SPATA6L: variants seen among roughly 807,000 people sequenced by gnomAD.
The protein encoded by SPATA6L is spermatogenesis associated 6 like, also known as spermatogenesis associated 6-like protein.
SPATA6L carries 68 observed loss-of-function variants against 49.2 expected under a neutral mutation model. That is an observed-to-expected ratio of 1.38 (90% CI 1.14 to 1.69). The LOEUF (loss-of-function observed/expected upper bound fraction) is 1.69, where lower values mean the gene tolerates loss of function less well. Among genes scored for constraint, SPATA6L ranks in the 40% most tolerant of loss-of-function variants. The pLI, the probability that SPATA6L is intolerant of heterozygous loss-of-function variation, is 0.00. For synonymous variants in SPATA6L, 198 were observed against 165.7 expected (o/e 1.19, Z -1.50); for missense variants, 668 against 464.3 (o/e 1.44, Z -4.03).
intron 9 of SPATA6L, among the ~76,000 whole-genome samples, chr9:4,616,897 T>A (rs1227781184): frequency 6.6e-6 from 1 of 152,218 alleles, no homozygotes; most frequent in Non-Finnish European, 1.5e-5. Flanking sequence ...AGCCAGTTTT[T>A]TAAAAATCTA....
At chr9:4,650,893 G>A (rs546340816) in intron 3 of SPATA6L, among the ~76,000 whole-genome samples, 3 of 149,444 alleles carry the variant, frequency 2.0e-5, no homozygotes, top group Admixed American at 6.7e-5. Context: ...ATAGAGACAC[G>A]GTTTCACCAT....
rs55730711 is a variant in SPATA6L, at chr9:4,634,720, A to T, written c.351+555T>A. 7.3e-3 allele frequency among the ~76,000 whole-genome samples: 1,110 copies of T among 152,314 alleles called. 7 individuals are homozygous for T. The highest frequency in any genetic ancestry group is 0.012 in the Non-Finnish European group (842 of 68,032). ...TGTGGGAATAGAAATCGTCAAAGAC[A>T]ACATCAAAATGAGTATCCTGAATTT... On this transcript the variant is annotated intron_variant, in intron 4 of 11. Coordinates refer to ENST00000682582, the MANE Select transcript of SPATA6L (RefSeq NM_001353486.2).
rs761983419 is a variant in SPATA6L, at chr9:4,605,350, G to C, written c.1086C>G (p.Asn362Lys). 19 of 1,612,528 alleles carry C rather than the reference G, an allele frequency of 1.2e-5. No individual in the cohort carries two copies. In the Admixed American group the frequency reaches 2.7e-4, roughly 23 times the overall value. ...TAGTTTTATAAGAAAGTCTAACCTTGTTTTGGTGCAGCTGTGCTCTGTGGG... is the reference window on the plus strand; with the variant it reads ...TAGTTTTATAAGAAAGTCTAACCTTCTTTTGGTGCAGCTGTGCTCTGTGGG... ...LTSHRAQLHQ[N>K]KEDSTSEVNY... Residue 362 changes from asparagine to lysine, a missense_variant, in exon 10 of 12, where the codon AAC becomes AAG. Transcript: ENST00000682582.
rs1468639430 is a variant in SPATA6L at position 4,627,857 on chromosome 9, C to G, written c.429+1234G>C. ...ACAATAGCCAAGATTTGGAATCAAC[C>G]TAAGTGTCCATCAACAGATGAATGG... is the stretch of plus-strand genomic sequence containing the variant. On this transcript the variant is annotated intron_variant, in intron 5 of 11. Transcript: ENST00000682582. 4 of 1,249,178 alleles carry G rather than the reference C, an allele frequency of 3.2e-6. No individual in the cohort carries two copies. The East Asian group carries it at 2.2e-4, about 70-fold the overall frequency. The allele number at this position is 1,249,178 out of a possible 1,614,324, so 77.4% of individuals were successfully genotyped here.
At chr9:4,596,135 G>T (rs301445), downstream of SPATA6L, among the ~76,000 whole-genome samples, 18 of 152,094 alleles carry the variant, frequency 1.2e-4, no homozygotes, top group Non-Finnish European at 2.1e-4. Context: ...TCTCGTTTAA[G>T]GTCTCATTGC....
At chr9:4,666,151 C>T in intron 1 of SPATA6L, 61 bp downstream of exon 1, 1 of 1,555,142 alleles carries the variant, frequency 6.4e-7, no homozygotes, top group African/African-American at 1.4e-5. Context: ...TGTTGAAAAC[C>T]ACCTGAGACT....
chr9:4,595,146 C>T (rs1385113145), downstream of SPATA6L, among the ~76,000 whole-genome samples: 1 of 152,154 alleles, frequency 6.6e-6, no homozygotes, highest in Non-Finnish European at 1.5e-5. Context: ...CCATCAATAC[C>T]TCATTCTGCT....
At chr9:4,619,026 G>A (rs1380216718) in intron 7 of SPATA6L, 128 bp from the exon 8 acceptor site, 8 of 793,066 alleles carry the variant, frequency 1.0e-5, no homozygotes, top group South Asian at 1.8e-5. Context: ...AAACTTAAAT[G>A]CTCCCTTGTA....
At chr9:4,647,352 G>A (rs562380556) in intron 3 of SPATA6L, among the ~76,000 whole-genome samples, 36 of 152,278 alleles carry the variant, frequency 2.4e-4, no homozygotes, top group South Asian at 1.0e-3. Context: ...AGCACTTTGG[G>A]AGGCCGAGGT....
At chr9:4,658,995 G>C (rs7024582) in intron 2 of SPATA6L, among the ~76,000 whole-genome samples, 1 of 148,792 alleles carries the variant, frequency 6.7e-6, no homozygotes, top group Non-Finnish European at 1.5e-5. Flanking sequence ...ATTCAAAATT[G>C]ATATAACTAA....
intron 5 of SPATA6L, chr9:4,627,711 T>G (rs1830606068): frequency 2.3e-6 from 3 of 1,285,528 alleles, no homozygotes; most frequent in Non-Finnish European, 3.0e-6. Context: ...CAAGTAAAAT[T>G]GAGGTAGTAC....
At chr9:4,609,506 A>T (rs1159687349) in intron 9 of SPATA6L, among the ~76,000 whole-genome samples, 1 of 152,138 alleles carries the variant, frequency 6.6e-6, no homozygotes, top group Non-Finnish European at 1.5e-5. Flanking sequence ...CAAATCAATA[A>T]ATGTAATCCA....
chr9:4,612,905 T>C (rs1827111575), intron 9 of SPATA6L, among the ~76,000 whole-genome samples: 1 of 152,040 alleles, frequency 6.6e-6, no homozygotes, highest in Non-Finnish European at 1.5e-5. Context: ...AAGGCACAGA[T>C]ACAGTTTTCT....
chr9:4,644,144 T>C (rs1335676045), intron 3 of SPATA6L, among the ~76,000 whole-genome samples: 3 of 128,802 alleles, frequency 2.3e-5, no homozygotes, highest in African/African-American at 8.6e-5. Context: ...TCCAGGAGTT[T>C]GAGACCAGCC....
chr9:4,645,888 T>C (rs772726318), intron 3 of SPATA6L, among the ~76,000 whole-genome samples: 4 of 152,166 alleles, frequency 2.6e-5, no homozygotes, highest in Admixed American at 1.3e-4. Flanking sequence ...TTTGGGGTAA[T>C]GAAAATGTTC....
chr9:4,627,620 GCAA>G, intron 5 of SPATA6L: 1 of 602,396 alleles, frequency 1.7e-6, no homozygotes, highest in Non-Finnish European at 2.5e-6. Context: ...ATTTTAAGTG[GCAA>G]CAACATTATA....
chr9:4,620,124 T>G (rs901055256), intron 7 of SPATA6L, among the ~76,000 whole-genome samples: 9 of 152,074 alleles, frequency 5.9e-5, no homozygotes, highest in African/African-American at 2.2e-4. Context: ...AGCTCTCTTC[T>G]CTCCCACCCC....
In SPATA6L at chr9:4,609,058, A is replaced by C. The variant is rs903483498; in HGVS notation, c.996-3618T>G. ...CTACAAAATCTAGAAGAAATGGATA[A>C]ATTCCTCGACACATACGCTCTCCCA... On this transcript the variant is annotated intron_variant, in intron 9 of 11. Transcript: ENST00000682582. 1.9e-3 allele frequency among the ~76,000 whole-genome samples: 284 copies of C among 150,980 alleles called. 3 individuals are homozygous for C. The highest frequency in any genetic ancestry group is 6.7e-3 in the African/African-American group (269 of 40,228).
intron 2 of SPATA6L, among the ~76,000 whole-genome samples, chr9:4,658,312 G>T (rs546256347): frequency 2.6e-5 from 4 of 152,166 alleles, no homozygotes; most frequent in East Asian, 1.9e-4. Context: ...TGAGTAACTT[G>T]TTGACCCAAA....
Sources: allele counts gnomAD v4.1 joint callset (sites outside exome capture counted in the v4.1 genomes callset), GRCh38; gene constraint gnomAD v4.1.1; transcripts MANE v1.5; gene names NCBI Gene and HGNC (gene_info 2026-07-23, HGNC 2026-07-21).